LIN54: variants seen among roughly 807,000 people sequenced by gnomAD.
The protein encoded by LIN54 is protein lin-54 homolog.
A neutral mutation model predicts 78.7 loss-of-function variants in LIN54; 9 were observed. The observed-to-expected ratio is 0.11, with a 90% CI of 0.07 to 0.20. The LOEUF (loss-of-function observed/expected upper bound fraction) is 0.20, where lower values mean the gene tolerates loss of function less well. Ranked by LOEUF, LIN54 falls within the 10% of genes least tolerant of loss-of-function variation. LIN54 has a pLI of 1.00. For missense variants in LIN54, 573 were observed against 889.9 expected (o/e 0.64, Z 4.53); for synonymous variants, 269 against 318.4 (o/e 0.84, Z 1.65).
At chr4:82,963,186 G>A (rs1724943558) in intron 4 of LIN54, among the ~76,000 whole-genome samples, 1 of 151,878 alleles carries the variant, frequency 6.6e-6, no homozygotes, top group Admixed American at 6.6e-5. Flanking sequence ...CAATCCAGAA[G>A]GCAATAAATG....
At chr4:83,005,590 A>G (rs889425829) in intron 1 of LIN54, among the ~76,000 whole-genome samples, 32 of 149,272 alleles carry the variant, frequency 2.1e-4, no homozygotes, top group African/African-American at 7.4e-4. Flanking sequence ...ATGCCACTGC[A>G]CTCCAGCCTC....
chr4:82,969,639 G>A (rs547283417), intron 4 of LIN54, among the ~76,000 whole-genome samples: 104 of 152,316 alleles, frequency 6.8e-4, no homozygotes, highest in Non-Finnish European at 1.3e-3. Flanking sequence ...GAAAGCAGGT[G>A]CAAAGGGCAG....
chr4:82,947,235 A>ATATATATATATATATATATTTTTTT, intron 4 of LIN54, among the ~76,000 whole-genome samples: 1 of 44,292 alleles, frequency 2.3e-5, no homozygotes, highest in African/African-American at 1.0e-4. Context: ...ATATATATAT[A>ATATATATATATATATATATTTTTTT]TTTTTTTTTT....
At chr4:82,957,805 C>T (rs533538903) in intron 4 of LIN54, among the ~76,000 whole-genome samples, 10 of 152,270 alleles carry the variant, frequency 6.6e-5, no homozygotes, top group African/African-American at 2.2e-4. Context: ...ATACTCCCTT[C>T]CCCCACCCCT....
chr4:82,985,013 T>C lies in LIN54; in HGVS notation c.-32-137A>G, dbSNP rs1232056076. 7.9e-6 allele frequency: 5 copies of C among 629,156 alleles called. No homozygotes were observed. In the African/African-American group the frequency reaches 9.2e-5, roughly 12 times the overall value. The allele number at this position is 629,156 out of a possible 1,614,324, so 39.0% of individuals were successfully genotyped here. A position where few individuals can be genotyped will look rare whatever the true frequency, so the allele number is the denominator to read the frequency against. On this transcript the variant is annotated intron_variant, in intron 1 of 12. Transcript: ENST00000340417. ...GAATGAAGAATATTCCTGAAGCTTA[T>C]CTGGGTTAAATCATGTTAACACATC...
rs756777581 is a variant in LIN54, at chr4:82,984,363, A to T, written c.482T>A (p.Leu161Gln). 3.1e-6 allele frequency: 5 copies of T among 1,614,192 alleles called. No individual in the cohort carries two copies. Among genetic ancestry groups the T allele is most frequent in the Non-Finnish European group, 3.4e-6 (4 of 1,180,020 alleles). ...PIVLALPHSQ[L>Q]PQAQKVTTQA... is the part of the protein sequence containing the mutation. Reference sequence around the variant, plus strand: ...AGTTGTAACTTTCTGAGCCTGGGGTAGTTGGCTATGGGGTAGTGCTAAAAC... The same window carrying T: ...AGTTGTAACTTTCTGAGCCTGGGGTTGTTGGCTATGGGGTAGTGCTAAAAC... Residue 161 changes from leucine (L) to glutamine (Q), a missense_variant, in exon 2 of 13, where the codon CTA (leucine) becomes CAA (glutamine). Leu to Gln is a moderately radical substitution (Grantham distance 113). Around this residue, in one of 6 missense-constraint regions of LIN54, gnomAD observed 183 missense variants for 228.4 expected, o/e 0.80. Transcript: ENST00000340417.
chr4:82,956,111 C>A (rs778733125), intron 4 of LIN54, among the ~76,000 whole-genome samples: 4 of 151,932 alleles, frequency 2.6e-5, no homozygotes, highest in Non-Finnish European at 4.4e-5. Context: ...CCACGCGCGG[C>A]TAAATTTTTT....
intron 2 of LIN54, among the ~76,000 whole-genome samples, chr4:82,983,832 C>T (rs955053533): frequency 6.6e-6 from 1 of 152,052 alleles, no homozygotes; most frequent in East Asian, 1.9e-4. Flanking sequence ...GATAGCCCAG[C>T]AGCAAGTCTG....
At position 82,976,042 on chromosome 4, in the gene LIN54, G is replaced by A. The variant is rs1158676588; in HGVS notation, c.808+2841C>T. Among the ~76,000 whole-genome samples the A allele has an allele frequency of 2.0e-5, 3 of 152,162 alleles. No individual in the cohort carries two copies. In the East Asian group the frequency reaches 5.8e-4, roughly 29 times the overall value. ...CAAAGAAAGGCATTCCATGTAAAAG[G>A]AACCTTGCCAAGACCCTTAGTCCTA... On this transcript the variant is annotated intron_variant, in intron 3 of 12. Transcript: ENST00000340417.
At chr4:83,001,667 A>T (rs1728785187) in intron 1 of LIN54, among the ~76,000 whole-genome samples, 1 of 150,260 alleles carries the variant, frequency 6.7e-6, no homozygotes, top group African/African-American at 2.5e-5. Flanking sequence ...AACATGGTGA[A>T]ACCCCGTCTC....
At chr4:82,976,014 C>T (rs533803181) in intron 3 of LIN54, among the ~76,000 whole-genome samples, 30 of 152,170 alleles carry the variant, frequency 2.0e-4, no homozygotes, top group African/African-American at 5.5e-4. Flanking sequence ...CCGCAAGGAA[C>T]GGCAAAGAAA....
intron 1 of LIN54, among the ~76,000 whole-genome samples, chr4:82,986,980 G>A (rs1048159067): frequency 2.0e-5 from 3 of 152,124 alleles, no homozygotes; most frequent in Non-Finnish European, 4.4e-5. Context: ...TCCAGCTCAG[G>A]TTTTTAATAT....
intron 5 of LIN54, among the ~76,000 whole-genome samples, chr4:82,942,860 GCACACACACA>G (rs1214264708): frequency 2.1e-4 from 8 of 38,512 alleles, no homozygotes; most frequent in African/African-American, 1.4e-3. Context: ...GTGTGCGCGC[GCACACACACA>G]CACACACACA....
At chr4:83,010,844 T>TGCCCCAC (rs1729813376), upstream of LIN54, 1 of 1,140,906 alleles carries the variant, frequency 8.8e-7, no homozygotes. Context: ...TTCCTCCTCC[T>TGCCCCAC]CCCCTCCCCG....
intron 4 of LIN54, among the ~76,000 whole-genome samples, chr4:82,958,891 G>A (rs1199058001): frequency 1.3e-5 from 2 of 151,900 alleles, no homozygotes; most frequent in East Asian, 1.9e-4. Flanking sequence ...TAGTAGAGAC[G>A]GGGTTTCACC....
At chr4:82,985,637 T>C (rs1016449891) in intron 1 of LIN54, among the ~76,000 whole-genome samples, 3 of 152,152 alleles carry the variant, frequency 2.0e-5, no homozygotes, top group African/African-American at 4.8e-5. Flanking sequence ...GCTTCCTGGG[T>C]TCAAGCAATT....
chr4:82,941,928 C>T (rs919959531), intron 5 of LIN54, among the ~76,000 whole-genome samples: 1 of 152,072 alleles, frequency 6.6e-6, no homozygotes, highest in Non-Finnish European at 1.5e-5. Flanking sequence ...ACATTTGGAC[C>T]AACAAGAAGT....
At chr4:82,949,037 G>A (rs1723633368) in intron 4 of LIN54, among the ~76,000 whole-genome samples, 1 of 152,180 alleles carries the variant, frequency 6.6e-6, no homozygotes, top group Non-Finnish European at 1.5e-5. Context: ...TCCCAGAAGA[G>A]GGATTGCTGG....
intron 4 of LIN54, 118 bp from the exon 5 acceptor site, chr4:82,946,592 G>A: frequency 1.3e-6 from 1 of 755,624 alleles, no homozygotes; most frequent in Non-Finnish European, 2.2e-6. Flanking sequence ...AAAAGCTGCT[G>A]AAAGGAACAA....
Sources: gnomAD v4.1 joint callset for allele counts (sites outside exome capture counted in the v4.1 genomes callset) on GRCh38, gnomAD v4.1.1 for gene constraint, gnomAD v4.1.1 regional missense constraint, MANE v1.5 for transcripts, NCBI Gene and HGNC (gene_info 2026-07-23, HGNC 2026-07-21) for gene names.